Variants in GRIP1 observed in about 807,000 individuals in gnomAD.
GRIP1 encodes glutamate receptor-interacting protein 1.
Under a neutral mutation model 129.9 loss-of-function variants are expected in GRIP1, and 45 were observed. The ratio of observed to expected loss-of-function variants is 0.35; its 90% CI spans 0.27 to 0.44. The LOEUF is 0.44. Among genes scored for constraint, GRIP1 ranks in the 20% least tolerant of loss-of-function variants. GRIP1 has a pLI of 1.00. For missense variants in GRIP1, 1,196 were observed against 1,396.8 expected, an observed-to-expected ratio of 0.86 and a Z score of 2.29; for synonymous variants, 530 against 520.8, an observed-to-expected ratio of 1.02 and a Z score of -0.24.
intron 1 of GRIP1, among the ~76,000 whole-genome samples, chr12:66,650,750 A>G (rs868110272): frequency 3.3e-5 from 5 of 152,248 alleles, no homozygotes; most frequent in Middle Eastern, 6.8e-3. Context: ...TGAGGGTTCA[A>G]CTCTTCCCTC....
At chr12:66,666,347 A>C (rs1216565557) in intron 1 of GRIP1, among the ~76,000 whole-genome samples, 1 of 152,096 alleles carries the variant, frequency 6.6e-6, no homozygotes, top group Admixed American at 6.6e-5. Flanking sequence ...ATCTGCCAAA[A>C]ATTTTTTAAA....
upstream of GRIP1, among the ~76,000 whole-genome samples, chr12:66,806,078 T>C (rs1314312658): frequency 6.6e-6 from 1 of 151,814 alleles, no homozygotes; most frequent in Non-Finnish European, 1.5e-5. Context: ...TTTGAAGATC[T>C]GGATTTTAGA....
chr12:66,355,310 T>TA (rs139737131), intron 23 of GRIP1, among the ~76,000 whole-genome samples: 2,109 of 152,126 alleles, frequency 0.014, 56 homozygotes, highest in African/African-American at 0.048. Flanking sequence ...GATAGAGTGA[T>TA]AAAAAAAGTA....
chr12:66,680,297 A>C (rs2034534702), upstream of GRIP1, among the ~76,000 whole-genome samples: 1 of 152,208 alleles, frequency 6.6e-6, no homozygotes, highest in Admixed American at 6.5e-5. Flanking sequence ...TTCTTCATTC[A>C]TAAATTCAAT....
chr12:66,443,821 C>T (rs1160670269), intron 13 of GRIP1, among the ~76,000 whole-genome samples: 2 of 152,160 alleles, frequency 1.3e-5, no homozygotes, highest in African/African-American at 2.4e-5. Context: ...TCATTTTTAA[C>T]AAGTATCTGC....
At chr12:66,942,566 C>A (rs1399968212) in intron 1 of GRIP1, among the ~76,000 whole-genome samples, 1 of 152,304 alleles carries the variant, frequency 6.6e-6, no homozygotes, top group African/African-American at 2.4e-5. Context: ...TGTTACTAAT[C>A]ACACCTGGCA....
At chr12:67,044,755 C>T (rs1484014442) in intron 1 of GRIP1, among the ~76,000 whole-genome samples, 4 of 152,070 alleles carry the variant, frequency 2.6e-5, no homozygotes, top group African/African-American at 9.6e-5. Flanking sequence ...TGCTGTTCTA[C>T]ATTAAAAAAA....
chr12:66,833,728 C>A (rs896549351), intron 1 of GRIP1, among the ~76,000 whole-genome samples: 1 of 151,928 alleles, frequency 6.6e-6, no homozygotes, highest in African/African-American at 2.4e-5. Context: ...CTGTGTGTAG[C>A]CAAGTAAAAC....
chr12:66,726,646 C>T (rs577247364), intron 1 of GRIP1, among the ~76,000 whole-genome samples: 1 of 152,198 alleles, frequency 6.6e-6, no homozygotes, highest in Non-Finnish European at 1.5e-5. Context: ...AATGAAGCAG[C>T]CTGTCATGCA....
chr12:66,531,175 G>T (rs901616192), intron 4 of GRIP1, among the ~76,000 whole-genome samples: 26 of 149,054 alleles, frequency 1.7e-4, no homozygotes, highest in African/African-American at 6.4e-4. Context: ...GGCGGAGGTT[G>T]CAGTGAGCTG....
chr12:66,774,710 T>C (rs775047801), intron 1 of GRIP1, among the ~76,000 whole-genome samples: 2 of 152,118 alleles, frequency 1.3e-5, no homozygotes, highest in Admixed American at 6.6e-5. Context: ...TCCAGTAAGA[T>C]AGAGTGGGAC....
chr12:67,023,204 C>T (rs1022982932), intron 1 of GRIP1, among the ~76,000 whole-genome samples: 13 of 152,078 alleles, frequency 8.5e-5, no homozygotes, highest in African/African-American at 3.1e-4. Flanking sequence ...AAATTTTTGC[C>T]TAACCCAAAG....
At chr12:66,367,966 C>T (rs965448063) in intron 23 of GRIP1, among the ~76,000 whole-genome samples, 7 of 152,204 alleles carry the variant, frequency 4.6e-5, no homozygotes, top group Non-Finnish European at 5.9e-5. Flanking sequence ...TTTTCAGCTT[C>T]AGGAATGAAT....
At chr12:66,854,722 T>C (rs1208463402) in intron 1 of GRIP1, among the ~76,000 whole-genome samples, 1 of 152,066 alleles carries the variant, frequency 6.6e-6, no homozygotes, top group East Asian at 1.9e-4. Context: ...TATATCACCA[T>C]GTTGCACAAA....
At chr12:66,371,209 A>G (rs1189898081) in intron 23 of GRIP1, among the ~76,000 whole-genome samples, 3 of 145,918 alleles carry the variant, frequency 2.1e-5, no homozygotes, top group Non-Finnish European at 4.4e-5. Flanking sequence ...CCGAGGCTGC[A>G]GTGCAGTGGC....
intron 14 of GRIP1, among the ~76,000 whole-genome samples, chr12:66,428,747 T>C (rs6421220): frequency 0.93 from 141,556 of 152,242 alleles, 66,429 homozygotes; most frequent in Non-Finnish European, 1. Flanking sequence ...TAAGAAAACA[T>C]ATAAAACTGC....
intron 2 of GRIP1, among the ~76,000 whole-genome samples, chr12:66,543,662 A>AT (rs144675489): frequency 2.0e-5 from 3 of 152,138 alleles, no homozygotes; most frequent in African/African-American, 7.2e-5. Flanking sequence ...CTAGGTATAA[A>AT]TTTTTTTAAA....
intron 1 of GRIP1, among the ~76,000 whole-genome samples, chr12:66,687,984 A>T (rs2136303480): frequency 6.6e-6 from 1 of 152,318 alleles, no homozygotes; most frequent in South Asian, 2.1e-4. Flanking sequence ...ATGTACTTGG[A>T]GTTGCTATCT....
chr12:66,906,596 A>G (rs1400098572), intron 1 of GRIP1, among the ~76,000 whole-genome samples: 1 of 152,158 alleles, frequency 6.6e-6, no homozygotes, highest in Non-Finnish European at 1.5e-5. Flanking sequence ...CTGGCCTCTC[A>G]AGCATATGCA....
Sources: gnomAD v4.1 joint callset for allele counts (sites outside exome capture counted in the v4.1 genomes callset) on GRCh38, gnomAD v4.1.1 for gene constraint, MANE v1.5 for transcripts, NCBI Gene and HGNC (gene_info 2026-07-23, HGNC 2026-07-21) for gene names.